The following EMCN variants were observed in gnomAD, a reference collection of about 807,000 sequenced individuals.
The protein encoded by EMCN is MUC-14.
In EMCN, 37 loss-of-function variants were observed where a neutral mutation model predicts 38.4. The ratio of observed to expected loss-of-function variants is 0.96; its 90% CI spans 0.74 to 1.27. The LOEUF (loss-of-function observed/expected upper bound fraction) is 1.27, where lower values mean the gene tolerates loss of function less well. EMCN is among the 50% of genes most tolerant of loss of function. EMCN has a pLI of 0.00. For missense variants in EMCN, 318 were observed against 302.8 expected (o/e 1.05, Z -0.37); for synonymous variants, 95 against 100.8 (o/e 0.94, Z 0.35).
rs869169290 is a variant in EMCN, at chr4:100,475,659, CTTTTTTTTTTTTTTTTTTTTTTT to C, written c.188-573_188-551del. ...TTGAGGGCAGTATCCAATTCTAGTCCTTTTTTTTTTTTTTTTTTTTTTTTTTTTTTTTTTTGGAGACAGAATCT... is the reference window on the plus strand; with the variant it reads ...TTGAGGGCAGTATCCAATTCTAGTCCTTTTTTTTTTTTGGAGACAGAATCT... On this transcript the variant is annotated intron_variant, in intron 2 of 11. Coordinates refer to ENST00000296420, the MANE Select transcript of EMCN (RefSeq NM_016242.4). 1.7e-3 allele frequency among the ~76,000 whole-genome samples: 102 copies of C among 60,322 alleles called. 2 individuals carry two copies. Among genetic ancestry groups the C allele is most frequent in the African/African-American group, 7.8e-3 (93 of 11,876 alleles). The allele number at this position is 60,322 out of a possible 152,430, so 39.6% of individuals were successfully genotyped here. A position where few individuals can be genotyped will look rare whatever the true frequency, so the allele number is the denominator to read the frequency against.
Sources: gnomAD v4.1 joint callset for allele counts (sites outside exome capture counted in the v4.1 genomes callset) on GRCh38, gnomAD v4.1.1 for gene constraint, MANE v1.5 for transcripts, NCBI Gene and HGNC (gene_info 2026-07-23, HGNC 2026-07-21) for gene names.